The following ORC3 variants were observed in gnomAD, a reference collection of about 807,000 sequenced individuals.
ORC3 encodes the protein origin recognition complex subunit 3.
ORC3 carries 78 observed loss-of-function variants against 100.7 expected under a neutral mutation model. The ratio of observed to expected loss-of-function variants is 0.77; its 90% confidence interval spans 0.65 to 0.94. The LOEUF (loss-of-function observed/expected upper bound fraction) is 0.94. ORC3 is among the 40% of genes least tolerant of loss of function. ORC3 has a pLI of 0.00. For missense variants in ORC3, 789 were observed against 823.9 expected (o/e 0.96, Z 0.52); for synonymous variants, 295 against 289.3 (o/e 1.02, Z -0.20).
intron 2 of ORC3, among the ~76,000 whole-genome samples, chr6:87,595,751 T>C (rs1394055012): frequency 1.3e-5 from 2 of 152,194 alleles, no homozygotes; most frequent in Admixed American, 1.3e-4. Flanking sequence ...GGAGTGGATT[T>C]TTATCACTCA....
At chr6:87,675,308 C>A in the ORC3 span, 3 of 449,760 alleles carry the variant, frequency 6.7e-6, no homozygotes, top group African/African-American at 5.8e-5. Flanking sequence ...TTCTAGAATA[C>A]CAGCTTTAAT....
intron 7 of ORC3, among the ~76,000 whole-genome samples, chr6:87,611,182 C>T (rs935848189): frequency 6.6e-6 from 1 of 151,884 alleles, no homozygotes; most frequent in Non-Finnish European, 1.5e-5. Context: ...AGAGATCTGC[C>T]CTCCTCAGTC....
the ORC3 span, among the ~76,000 whole-genome samples, chr6:87,676,628 A>AC: frequency 8.0e-5 from 8 of 99,964 alleles, no homozygotes; most frequent in African/African-American, 1.6e-4. Context: ...CACACACACA[A>AC]ACATAGCTGG....
intron 11 of ORC3, among the ~76,000 whole-genome samples, chr6:87,629,900 G>A (rs1767257701): frequency 6.6e-6 from 1 of 152,160 alleles, no homozygotes; most frequent in Non-Finnish European, 1.5e-5. Context: ...AATGATTTTT[G>A]TATGAATAAC....
chr6:87,671,097 C>T (rs1180774212), downstream of ORC3, among the ~76,000 whole-genome samples: 1 of 152,090 alleles, frequency 6.6e-6, no homozygotes, highest in Non-Finnish European at 1.5e-5. Flanking sequence ...TTTAGGGCTC[C>T]ACAGACCTTT....
chr6:87,634,285 T>G (rs1490497111), intron 11 of ORC3, among the ~76,000 whole-genome samples: 1 of 152,156 alleles, frequency 6.6e-6, no homozygotes, highest in Non-Finnish European at 1.5e-5. Context: ...GTATTGGAGA[T>G]CTCAGCAAGA....
At position 87,601,881 on chromosome 6, in the gene ORC3, G is replaced by A. The variant is rs1260126635; in HGVS notation, c.177G>A (p.Glu59=). The A allele has an allele frequency of 9.0e-6, 14 of 1,561,972 alleles. No homozygotes were observed. The highest frequency in any genetic ancestry group is 1.4e-5 in the African/African-American group (1 of 73,910). Residue 59 remains glutamate (E), a splice_region_variant and synonymous_variant, in exon 3 of 20, where the codon GAG becomes GAA. Coordinates refer to ENST00000392844, the MANE Select transcript of ORC3 (RefSeq NM_012381.4). Reference sequence around the variant, plus strand: ...GGCAGCAGATGAAATCTGAAAATGAGGTGAATACTTTTTTTAATAATTTTC... The same window carrying A: ...GGCAGCAGATGAAATCTGAAAATGAAGTGAATACTTTTTTTAATAATTTTC... ...LIWQQMKSEN[E]RLQEELNKNL...
chr6:87,670,966 G>A (rs116433572), downstream of ORC3, among the ~76,000 whole-genome samples: 1,163 of 152,312 alleles, frequency 7.6e-3, 25 homozygotes, highest in African/African-American at 0.026. Flanking sequence ...ATGCTAGGCA[G>A]ACACTAGCAG....
chr6:87,612,214 C>G lies in ORC3; in HGVS notation c.839C>G (p.Ser280Cys). 1 of 1,611,298 alleles carries G rather than the reference C, an allele frequency of 6.2e-7. No individual in the cohort carries two copies. Among genetic ancestry groups the G allele is most frequent in the Non-Finnish European group, 8.5e-7 (1 of 1,178,944 alleles). ...LLCIELFQSL[S>C]CKEHLTTVLD... ...TGCATAGAACTGTTCCAATCTTTGT[C>G]TTGTAAGGAGCACCTGACTACGGTA... Residue 280 changes from serine (S) to cysteine (C), a missense_variant, in exon 8 of 20, where the codon TCT (serine) becomes TGT (cysteine). This residue lies in a region of ORC3 where 399 missense variants were observed against 382.0 expected (regional missense o/e 1.04). Coordinates refer to ENST00000392844, the MANE Select transcript of ORC3 (RefSeq NM_012381.4).
At position 87,612,090 on chromosome 6, in the gene ORC3, C is replaced by A; in HGVS notation, c.715C>A (p.Gln239Lys). 4.4e-6 allele frequency: 7 copies of A among 1,607,446 alleles called. No individual in the cohort carries two copies. Among genetic ancestry groups the A allele is most frequent in the South Asian group, 3.4e-5 (3 of 89,066 alleles). ...TTTGTGTCTGTCTTTCAAAACTAGT[C>A]AACATCTCCATGAATTTCCACTAAT... ...VLQDFIIISSQHLHEFPLILI... is the reference protein window; with the variant it reads ...VLQDFIIISSKHLHEFPLILI... The change falls in exon 8 of 20, where the codon CAA becomes AAA. Residue 239 changes from glutamine to lysine, a missense_variant and splice_region_variant. Gln to Lys is a moderately conservative substitution (Grantham distance 53, BLOSUM62 1). Coordinates refer to ENST00000392844, the MANE Select transcript of ORC3 (RefSeq NM_012381.4).
chr6:87,599,036 C>G (rs1172104919), intron 2 of ORC3, among the ~76,000 whole-genome samples: 1 of 152,164 alleles, frequency 6.6e-6, no homozygotes, highest in Non-Finnish European at 1.5e-5. Context: ...AAGTATAGCA[C>G]TGTGAATAGG....
intron 6 of ORC3, among the ~76,000 whole-genome samples, chr6:87,608,668 A>C (rs1778521112): frequency 6.6e-6 from 1 of 152,326 alleles, no homozygotes; most frequent in East Asian, 1.9e-4. Flanking sequence ...GATGATACCT[A>C]GTATCCATTT....
intron 11 of ORC3, among the ~76,000 whole-genome samples, chr6:87,628,662 A>G (rs571150009): frequency 1.3e-5 from 2 of 152,216 alleles, no homozygotes; most frequent in Non-Finnish European, 2.9e-5. Flanking sequence ...GAAATATCTC[A>G]TGTCACAGAG....
downstream of ORC3, among the ~76,000 whole-genome samples, chr6:87,670,090 C>G (rs1177309730): frequency 5.9e-5 from 9 of 152,174 alleles, no homozygotes; most frequent in Admixed American, 5.2e-4. Context: ...TTGAATTTAT[C>G]CAACATAAAC....
intron 9 of ORC3, among the ~76,000 whole-genome samples, chr6:87,618,890 C>T (rs570526078): frequency 1.3e-5 from 2 of 151,906 alleles, no homozygotes; most frequent in Non-Finnish European, 2.9e-5. Context: ...CATGTTAATA[C>T]ATAGCAAAGA....
chr6:87,638,930 TAC>T (rs1218799675), intron 13 of ORC3, among the ~76,000 whole-genome samples: 1 of 151,962 alleles, frequency 6.6e-6, no homozygotes, highest in African/African-American at 2.4e-5. Context: ...ACCAAGCAAC[TAC>T]AGATTGATTG....
chr6:87,649,290 C>A (rs1014261060), intron 13 of ORC3, among the ~76,000 whole-genome samples: 53 of 152,312 alleles, frequency 3.5e-4, no homozygotes, highest in African/African-American at 1.1e-3. Context: ...TGAACTCATT[C>A]TCTTCTGTTG....
intron 11 of ORC3, among the ~76,000 whole-genome samples, chr6:87,628,763 GT>G (rs1418144512): frequency 6.6e-6 from 1 of 152,202 alleles, no homozygotes; most frequent in Non-Finnish European, 1.5e-5. Context: ...CAGTTCATGA[GT>G]TTGATGAAGA....
chr6:87,668,616 C>T (rs951629928), downstream of ORC3, among the ~76,000 whole-genome samples: 5 of 152,166 alleles, frequency 3.3e-5, no homozygotes, highest in Admixed American at 3.3e-4. Context: ...CCTCTGGCAG[C>T]GTGGTGGGCT....
Sources: gnomAD v4.1 joint callset for allele counts (sites outside exome capture counted in the v4.1 genomes callset) on GRCh38, gnomAD v4.1.1 for gene constraint, gnomAD v4.1.1 regional missense constraint, MANE v1.5 for transcripts, NCBI Gene and HGNC (gene_info 2026-07-23, HGNC 2026-07-21) for gene names.